GABRB1: variants seen among roughly 807,000 people sequenced by gnomAD.
GABRB1 encodes gamma-aminobutyric acid type A receptor subunit beta1, also known as gamma-aminobutyric acid receptor subunit beta-1.
In GABRB1, 17 loss-of-function variants were observed where a neutral mutation model predicts 51.6. That is an observed-to-expected ratio of 0.33 (90% CI 0.23 to 0.49). The LOEUF (loss-of-function observed/expected upper bound fraction) is 0.49. GABRB1 is among the 20% of genes least tolerant of loss of function. The pLI is 0.99. For synonymous variants in GABRB1, 247 were observed against 218.9 expected (o/e 1.13, Z -1.14); for missense variants, 410 against 600.6 (o/e 0.68, Z 3.32).
intron 4 of GABRB1, among the ~76,000 whole-genome samples, chr4:47,166,212 T>A (rs998806754): frequency 2.0e-5 from 3 of 152,104 alleles, no homozygotes; most frequent in Admixed American, 6.6e-5. Context: ...GAATATACAG[T>A]TGACTCAGGA....
At chr4:47,144,899 C>G (rs1156939777) in intron 3 of GABRB1, among the ~76,000 whole-genome samples, 1 of 151,768 alleles carries the variant, frequency 6.6e-6, no homozygotes, top group Non-Finnish European at 1.5e-5. Flanking sequence ...CATGACCACG[C>G]ATGCCAAGCC....
intron 1 of GABRB1, among the ~76,000 whole-genome samples, chr4:47,025,778 C>A: frequency 6.6e-6 from 1 of 151,950 alleles, no homozygotes; most frequent in Non-Finnish European, 1.5e-5. Context: ...AAATTGGAAA[C>A]ATACCTCTCA....
chr4:47,244,534 G>A lies in GABRB1; in HGVS notation c.462-75593G>A, dbSNP rs192751659. Among the ~76,000 whole-genome samples the A allele has an allele frequency of 8.1e-3, 1,240 of 152,200 alleles. 11 individuals carry two copies. The highest frequency in any genetic ancestry group is 0.028 in the African/African-American group (1,176 of 41,506). ...GTCCTGGACTTTTTTTGGTTGGTAG[G>A]CTATTAATTATTGCCTCAATTTCAG... On this transcript the variant is annotated intron_variant, in intron 4 of 8. Coordinates refer to ENST00000295454, the MANE Select transcript of GABRB1 (RefSeq NM_000812.4).
At chr4:47,052,806 G>A (rs1029095815) in intron 3 of GABRB1, among the ~76,000 whole-genome samples, 17 of 152,134 alleles carry the variant, frequency 1.1e-4, no homozygotes, top group Non-Finnish European at 2.4e-4. Flanking sequence ...ATCAGCTTCT[G>A]AAGCATCCAA....
chr4:47,001,223 A>G (rs537833754), intron 1 of GABRB1, among the ~76,000 whole-genome samples: 20 of 152,154 alleles, frequency 1.3e-4, no homozygotes, highest in East Asian at 5.8e-4. Context: ...GCTCACTGCA[A>G]GCTCCGCCTC....
chr4:47,345,161 T>G (rs114696130), intron 5 of GABRB1, among the ~76,000 whole-genome samples: 1 of 152,322 alleles, frequency 6.6e-6, no homozygotes, highest in Non-Finnish European at 1.5e-5. Context: ...AAGACATAGT[T>G]TTTAGAATTG....
chr4:47,270,609 A>G (rs1468041288), intron 4 of GABRB1, among the ~76,000 whole-genome samples: 3 of 152,234 alleles, frequency 2.0e-5, no homozygotes, highest in African/African-American at 4.8e-5. Flanking sequence ...AGCTAGGATC[A>G]TGCCTTCTTG....
chr4:47,197,671 A>G (rs1319575947), intron 4 of GABRB1, among the ~76,000 whole-genome samples: 4 of 152,232 alleles, frequency 2.6e-5, no homozygotes, highest in African/African-American at 9.6e-5. Flanking sequence ...TCTTGAAGTA[A>G]GGAGTCATAT....
intron 5 of GABRB1, among the ~76,000 whole-genome samples, chr4:47,371,637 G>T (rs961719945): frequency 6.6e-6 from 1 of 152,130 alleles, no homozygotes; most frequent in African/African-American, 2.4e-5. Flanking sequence ...ATTCTGACTA[G>T]TGTAAGATGG....
chr4:47,245,346 C>A (rs1345792825), intron 4 of GABRB1, among the ~76,000 whole-genome samples: 1 of 152,098 alleles, frequency 6.6e-6, no homozygotes, highest in Non-Finnish European at 1.5e-5. Flanking sequence ...AACAGTTTTG[C>A]TTTGTAAATT....
intron 5 of GABRB1, among the ~76,000 whole-genome samples, chr4:47,359,100 A>G (rs1187648153): frequency 6.6e-6 from 1 of 152,160 alleles, no homozygotes; most frequent in African/African-American, 2.4e-5. Context: ...CTTTGGGAGA[A>G]TCAAATAAAA....
intron 3 of GABRB1, among the ~76,000 whole-genome samples, chr4:47,112,408 A>G (rs1006736442): frequency 6.6e-6 from 1 of 152,162 alleles, no homozygotes; most frequent in African/African-American, 2.4e-5. Context: ...CCAGCCTAAA[A>G]AGTAGTATTC....
At chr4:47,088,482 T>A (rs777749986) in intron 3 of GABRB1, among the ~76,000 whole-genome samples, 1 of 152,032 alleles carries the variant, frequency 6.6e-6, no homozygotes, top group Non-Finnish European at 1.5e-5. Context: ...CAATGCAAAA[T>A]ACCAGGAGGA....
At chr4:47,060,683 C>T (rs950462308) in intron 3 of GABRB1, among the ~76,000 whole-genome samples, 17 of 152,100 alleles carry the variant, frequency 1.1e-4, no homozygotes, top group African/African-American at 4.1e-4. Context: ...CTTCAATACT[C>T]GTTCCTGTTA....
intron 4 of GABRB1, among the ~76,000 whole-genome samples, chr4:47,193,264 A>G (rs1719518432): frequency 6.6e-6 from 1 of 152,200 alleles, no homozygotes; most frequent in African/African-American, 2.4e-5. Context: ...CTGGGATTAC[A>G]GGCATGCGCC....
intron 5 of GABRB1, among the ~76,000 whole-genome samples, chr4:47,354,374 A>C (rs879580612): frequency 2.9e-4 from 44 of 152,340 alleles, no homozygotes; most frequent in Middle Eastern, 3.4e-3. Flanking sequence ...TTTCCTGCAC[A>C]ACTTGGCTTG....
chr4:47,290,233 T>G (rs1723671432), intron 4 of GABRB1, among the ~76,000 whole-genome samples: 1 of 152,206 alleles, frequency 6.6e-6, no homozygotes, highest in South Asian at 2.1e-4. Flanking sequence ...GGGCAGGTCT[T>G]TCCATTGCTG....
chr4:47,019,698 C>A (rs958209312), intron 1 of GABRB1, among the ~76,000 whole-genome samples: 13 of 130,080 alleles, frequency 1.0e-4, no homozygotes, highest in African/African-American at 3.8e-4. Context: ...CTTCTTCTTT[C>A]CTTCTTTCCT....
intron 3 of GABRB1, among the ~76,000 whole-genome samples, chr4:47,096,623 C>T (rs1359283206): frequency 1.3e-5 from 2 of 152,068 alleles, no homozygotes; most frequent in Admixed American, 6.5e-5. Flanking sequence ...CTGAATTATC[C>T]AGGTAGGCAC....
Sources: allele counts gnomAD v4.1 joint callset (sites outside exome capture counted in the v4.1 genomes callset), GRCh38; gene constraint gnomAD v4.1.1; transcripts MANE v1.5; gene names NCBI Gene and HGNC (gene_info 2026-07-23, HGNC 2026-07-21).